The following FRMPD4 variants were observed in gnomAD, a reference collection of about 807,000 sequenced individuals.
FRMPD4 encodes FERM and PDZ domain containing 4.
A neutral mutation model predicts 94.1 loss-of-function variants in FRMPD4; 22 were observed. That is an observed-to-expected ratio of 0.23 (90% CI 0.17 to 0.33). The LOEUF is 0.33. Among genes scored for constraint, FRMPD4 ranks in the 10% least tolerant of loss-of-function variants. The pLI is 1.00. For missense variants in FRMPD4, 1,111 were observed against 1,339.9 expected, an observed-to-expected ratio of 0.83 and a Z score of 2.67; for synonymous variants, 631 against 548.6, an observed-to-expected ratio of 1.15 and a Z score of -2.10.
At chrX:12,230,059 A>G (rs956143705) in intron 1 of FRMPD4, among the ~76,000 whole-genome samples, 1 of 111,349 alleles carries the variant, frequency 9.0e-6, no homozygotes, top group East Asian at 2.8e-4. Flanking sequence ...CTGTTGTTCT[A>G]TAGGCTCTTC....
chrX:12,412,955 A>G (rs1316723143), intron 1 of FRMPD4, among the ~76,000 whole-genome samples: 2 of 110,367 alleles, frequency 1.8e-5, no homozygotes, highest in Admixed American at 9.6e-5. Flanking sequence ...GGTAGTAAAA[A>G]TAATAATACT....
chrX:12,665,153 A>G (rs1175312807), intron 4 of FRMPD4, among the ~76,000 whole-genome samples: 1 of 111,565 alleles, frequency 9.0e-6, no homozygotes, highest in Non-Finnish European at 1.9e-5. Flanking sequence ...AAAAAAGAAA[A>G]AAAAACGTGC....
At chrX:12,104,696 C>T (rs750416392) in intron 3 of FRMPD4, among the ~76,000 whole-genome samples, 4 of 112,439 alleles carry the variant, frequency 3.6e-5, no homozygotes, top group Admixed American at 9.4e-5. Context: ...TTTATGAGCA[C>T]TTGCTATATG....
At chrX:12,000,356 T>C (rs2054518266) in intron 3 of FRMPD4, among the ~76,000 whole-genome samples, 1 of 112,205 alleles carries the variant, frequency 8.9e-6, no homozygotes, top group South Asian at 3.7e-4. Context: ...ATTTCAACTC[T>C]TATTTTAAAA....
intron 2 of FRMPD4, among the ~76,000 whole-genome samples, chrX:12,553,911 T>C (rs1481479340): frequency 8.9e-6 from 1 of 112,055 alleles, no homozygotes; most frequent in African/African-American, 3.2e-5. Flanking sequence ...ATAACAAGTA[T>C]ATGAAATTTT....
intron 3 of FRMPD4, among the ~76,000 whole-genome samples, chrX:12,116,912 A>G (rs1347088625): frequency 8.9e-6 from 1 of 112,364 alleles, no homozygotes; most frequent in Non-Finnish European, 1.9e-5. Flanking sequence ...TACTAGGCCC[A>G]TTAATCTTTT....
At chrX:12,141,582 T>TA (rs35571726) in intron 1 of FRMPD4, among the ~76,000 whole-genome samples, 17,054 of 109,363 alleles carry the variant, frequency 0.16, 1,042 homozygotes, top group South Asian at 0.33. Flanking sequence ...CCAGTACCAT[T>TA]AAAAAAAAAT....
At chrX:12,407,590 T>TA (rs2056681516) in intron 1 of FRMPD4, among the ~76,000 whole-genome samples, 1 of 112,426 alleles carries the variant, frequency 8.9e-6, no homozygotes, top group African/African-American at 3.2e-5. Flanking sequence ...TTGTTTAAGA[T>TA]ACACTAGCTA....
Position 12,642,738 on chromosome X carries a change from CA to C in FRMPD4, c.422+27863del, listed in dbSNP as rs2059511412. 2.7e-5 allele frequency among the ~76,000 whole-genome samples: 3 copies of C among 112,136 alleles called. No individual in the cohort carries two copies. The Admixed American group carries it at 2.8e-4, about 10-fold the overall frequency. ...GTAAGATGGGGAAACCCCATCTCTA[CA>C]AAAAATACAAAAAATTAGCAGCGTG... is the stretch of plus-strand genomic sequence containing the variant. On this transcript the variant is annotated intron_variant, in intron 4 of 16. Transcript: ENST00000675598.
chrX:12,093,530 A>T (rs1158258938), intron 3 of FRMPD4, among the ~76,000 whole-genome samples: 1 of 107,020 alleles, frequency 9.3e-6, no homozygotes, highest in East Asian at 2.9e-4. Context: ...ACTGTTTATT[A>T]TTATTTGATG....
chrX:12,499,252 A>T (rs1042071158), intron 2 of FRMPD4, among the ~76,000 whole-genome samples: 3 of 112,082 alleles, frequency 2.7e-5, no homozygotes, highest in African/African-American at 9.7e-5. Context: ...GATTATGTAC[A>T]TTATTTGTTT....
chrX:12,247,523 A>C (rs1311561281), intron 1 of FRMPD4, among the ~76,000 whole-genome samples: 1 of 112,000 alleles, frequency 8.9e-6, no homozygotes, highest in Admixed American at 9.4e-5. Flanking sequence ...CTCAGGGGAT[A>C]AACTCAGACC....
At chrX:11,866,782 T>C (rs933875111) in intron 2 of FRMPD4, among the ~76,000 whole-genome samples, 1 of 111,732 alleles carries the variant, frequency 8.9e-6, no homozygotes, top group Non-Finnish European at 1.9e-5. Context: ...TTTGTTTTCT[T>C]GGTCTGGATG....
chrX:12,569,042 G>T (rs1288065389), intron 2 of FRMPD4, among the ~76,000 whole-genome samples: 1 of 111,180 alleles, frequency 9.0e-6, no homozygotes, highest in Non-Finnish European at 1.9e-5. Flanking sequence ...AGAGTAGGTT[G>T]CTATAAAAGT....
chrX:11,888,255 T>G (rs1480783539), intron 3 of FRMPD4, among the ~76,000 whole-genome samples: 3 of 111,979 alleles, frequency 2.7e-5, no homozygotes, highest in Non-Finnish European at 5.6e-5. Context: ...ATTTCCGAAA[T>G]TCTACTTTGT....
chrX:12,475,745 C>T (rs1354905476), intron 1 of FRMPD4, among the ~76,000 whole-genome samples: 4 of 111,760 alleles, frequency 3.6e-5, no homozygotes, highest in African/African-American at 6.5e-5. Flanking sequence ...ACCTAGGAAT[C>T]CAACTTACAA....
chrX:12,490,526 A>G (rs1404188609), intron 1 of FRMPD4, among the ~76,000 whole-genome samples: 1 of 112,252 alleles, frequency 8.9e-6, no homozygotes, highest in Admixed American at 9.4e-5. Context: ...CATTCAATCA[A>G]TATTTGTTAT....
At chrX:12,127,005 A>G (rs780666824) in intron 3 of FRMPD4, among the ~76,000 whole-genome samples, 1 of 112,313 alleles carries the variant, frequency 8.9e-6, no homozygotes, top group South Asian at 3.7e-4. Context: ...ATTGCCTACT[A>G]AAATGGTAGG....
intron 4 of FRMPD4, among the ~76,000 whole-genome samples, chrX:12,615,794 T>A (rs2059230247): frequency 9.0e-6 from 1 of 111,118 alleles, no homozygotes; most frequent in African/African-American, 3.3e-5. Flanking sequence ...CAGTAATTGC[T>A]GTTTTTGCCA....
Sources: allele counts gnomAD v4.1 joint callset (sites outside exome capture counted in the v4.1 genomes callset), GRCh38; gene constraint gnomAD v4.1.1; transcripts MANE v1.5; gene names NCBI Gene and HGNC (gene_info 2026-07-23, HGNC 2026-07-21).